Variants in NCALD observed in about 807,000 individuals in gnomAD.
NCALD encodes neurocalcin delta, also known as neurocalcin-delta.
NCALD carries 10 observed loss-of-function variants against 18.6 expected under a neutral mutation model. That is an observed-to-expected ratio of 0.54 (90% confidence interval 0.33 to 0.91). The LOEUF (loss-of-function observed/expected upper bound fraction) is 0.91, where lower values mean the gene tolerates loss of function less well. Among genes scored for constraint, NCALD ranks in the 40% least tolerant of loss-of-function variants. The probability of loss-of-function intolerance (pLI) is 0.03; values close to 1 mark genes in which losing one functional copy is unlikely to be tolerated. For missense variants in NCALD, 184 were observed against 247.6 expected, an observed-to-expected ratio of 0.74 and a Z score of 1.72; for synonymous variants, 88 against 87.4, an observed-to-expected ratio of 1.01 and a Z score of -0.04.
intron 1 of NCALD, chr8:101,786,087 T>G (rs900004728): frequency 6.6e-6 from 1 of 152,286 alleles, no homozygotes; most frequent in Non-Finnish European, 1.5e-5. Context: ...ATAGTACATA[T>G]AGGTCTCTGG....
chr8:101,965,442 G>T (rs556848753), intron 2 of NCALD, among the ~76,000 whole-genome samples: 55 of 152,242 alleles, frequency 3.6e-4, no homozygotes, highest in Non-Finnish European at 6.2e-4. Flanking sequence ...CCATAAAAAA[G>T]GATGAATTCA....
At chr8:101,702,145 A>G (rs1484299905) in intron 2 of NCALD, among the ~76,000 whole-genome samples, 2 of 152,196 alleles carry the variant, frequency 1.3e-5, no homozygotes, top group African/African-American at 4.8e-5. Context: ...CAGAAAACGA[A>G]GCAAAACAAA....
intron 1 of NCALD, among the ~76,000 whole-genome samples, chr8:102,090,439 A>G (rs1336946046): frequency 1.3e-5 from 2 of 152,178 alleles, no homozygotes; most frequent in African/African-American, 4.8e-5. Context: ...GTTTCTGATA[A>G]CTTCGGAGAC....
intron 3 of NCALD, among the ~76,000 whole-genome samples, chr8:101,889,418 C>T (rs1816791554): frequency 1.3e-5 from 2 of 152,202 alleles, no homozygotes; most frequent in East Asian, 1.9e-4. Flanking sequence ...AAACACAAGC[C>T]TTTCGACTCC....
chr8:101,881,297 G>C (rs1194205647), intron 4 of NCALD, among the ~76,000 whole-genome samples: 1 of 152,120 alleles, frequency 6.6e-6, no homozygotes, highest in Non-Finnish European at 1.5e-5. Flanking sequence ...CAGTTTAGAA[G>C]ATCTAATCAT....
At chr8:102,024,814 C>T (rs1009660450) in intron 1 of NCALD, among the ~76,000 whole-genome samples, 2 of 152,132 alleles carry the variant, frequency 1.3e-5, no homozygotes, top group Admixed American at 6.5e-5. Context: ...TGATACATCA[C>T]CCCTCTGATC....
chr8:102,120,380 G>A (rs1235907695), intron 1 of NCALD, among the ~76,000 whole-genome samples: 1 of 152,156 alleles, frequency 6.6e-6, no homozygotes, highest in Non-Finnish European at 1.5e-5. Flanking sequence ...ATAGACACAG[G>A]ACCCAATCAA....
chr8:101,891,159 ATTATT>A (rs1344595246), intron 3 of NCALD, among the ~76,000 whole-genome samples: 5 of 152,048 alleles, frequency 3.3e-5, no homozygotes, highest in Non-Finnish European at 7.4e-5. Context: ...ACATTTCCAC[ATTATT>A]TTATCACATA....
intron 4 of NCALD, among the ~76,000 whole-genome samples, chr8:101,874,889 G>A (rs975145145): frequency 4.0e-5 from 6 of 151,798 alleles, no homozygotes; most frequent in African/African-American, 4.8e-5. Context: ...GGGTATAAGC[G>A]GAAAAAACAA....
intron 1 of NCALD, among the ~76,000 whole-genome samples, chr8:102,036,772 A>G (rs2132160535): frequency 6.6e-6 from 1 of 150,872 alleles, no homozygotes; most frequent in Non-Finnish European, 1.5e-5. Flanking sequence ...AAAAAACAAC[A>G]ACAACAACAA....
chr8:101,943,793 T>G (rs950368715), intron 2 of NCALD, among the ~76,000 whole-genome samples: 2 of 151,828 alleles, frequency 1.3e-5, no homozygotes, highest in African/African-American at 4.8e-5. Context: ...ACAAAAAAAT[T>G]AGCCAGGCAT....
In NCALD at chr8:101,702,970, C is replaced by A. The variant is rs529474839; in HGVS notation, c.379-10074G>T. ...ATATTAAAGATTCTGGTAATTCCTG[C>A]AGTAAGAGGCGTGTTGAAATCTATT... is the stretch of plus-strand genomic sequence containing the variant. On this transcript the variant is annotated intron_variant, in intron 2 of 3. Transcript: ENST00000220931. Among the ~76,000 whole-genome samples the A allele has an allele frequency of 2.0e-5, 3 of 152,324 alleles. No individual in the cohort carries two copies. The South Asian group carries it at 6.2e-4, about 32-fold the overall frequency.
At chr8:101,916,826 C>T (rs1471775919) in intron 2 of NCALD, among the ~76,000 whole-genome samples, 1 of 152,034 alleles carries the variant, frequency 6.6e-6, no homozygotes, top group Non-Finnish European at 1.5e-5. Context: ...AATATATATG[C>T]ACCCAACATC....
intron 1 of NCALD, chr8:101,721,074 C>T (rs1023963596): frequency 3.9e-5 from 6 of 152,076 alleles, no homozygotes; most frequent in Non-Finnish European, 7.4e-5. Flanking sequence ...GAGATTAGTT[C>T]CTAATTCCCA....
rs139160792 is a variant in NCALD at position 101,805,609 on chromosome 8, G to A, written c.-20+81532C>T. Among the ~76,000 whole-genome samples the A allele has an allele frequency of 8.6e-3, 1,309 of 152,298 alleles. 14 individuals are homozygous for A. The highest frequency in any genetic ancestry group is 0.013 in the Non-Finnish European group (885 of 68,022). ...AGTTATTCAGAAATTTTTCCCAGAT[G>A]GAGAGGCCGTCCATAAGAACAGAGA... On this transcript the variant is annotated intron_variant, in intron 4 of 6. Coordinates refer to the NCALD transcript ENST00000311028.
chr8:101,917,868 A>G (rs985089695), intron 2 of NCALD, among the ~76,000 whole-genome samples: 1 of 152,164 alleles, frequency 6.6e-6, no homozygotes, highest in Non-Finnish European at 1.5e-5. Flanking sequence ...CCTCAGGACT[A>G]GATGGATTCA....
intron 2 of NCALD, among the ~76,000 whole-genome samples, chr8:101,938,826 C>T (rs1196166487): frequency 1.3e-5 from 2 of 152,228 alleles, no homozygotes; most frequent in Non-Finnish European, 2.9e-5. Context: ...CTGATAATTG[C>T]AAAGTGATCA....
chr8:101,795,893 C>T (rs1051965514), upstream of NCALD, among the ~76,000 whole-genome samples: 4 of 152,126 alleles, frequency 2.6e-5, no homozygotes, highest in Non-Finnish European at 5.9e-5. Context: ...CAATCTGTAC[C>T]GTTTTCCCCT....
chr8:101,951,747 C>G (rs995537423), intron 2 of NCALD, among the ~76,000 whole-genome samples: 1 of 152,196 alleles, frequency 6.6e-6, no homozygotes, highest in Non-Finnish European at 1.5e-5. Context: ...TCTCGTTCAG[C>G]AATAAGTTTC....
Sources: allele counts gnomAD v4.1 joint callset (sites outside exome capture counted in the v4.1 genomes callset), GRCh38; gene constraint gnomAD v4.1.1; transcripts MANE v1.5; gene names NCBI Gene and HGNC (gene_info 2026-07-23, HGNC 2026-07-21).